The following TPRG1 variants were observed in gnomAD, a reference collection of about 807,000 sequenced individuals.
The protein encoded by TPRG1 is tumor protein p63-regulated gene 1 protein.
In TPRG1, 29 loss-of-function variants were observed where a neutral mutation model predicts 29.3. That is an observed-to-expected ratio of 0.99 (90% CI 0.74 to 1.35). TPRG1 has a LOEUF of 1.35. Among genes scored for constraint, TPRG1 ranks in the 40% most tolerant of loss-of-function variants. TPRG1 has a pLI of 0.00. For synonymous variants in TPRG1, 130 were observed against 116.8 expected (o/e 1.11, Z -0.73); for missense variants, 327 against 335.0 (o/e 0.98, Z 0.19).
intron 4 of TPRG1, among the ~76,000 whole-genome samples, chr3:189,067,522 TG>T (rs1213980659): frequency 6.6e-6 from 1 of 152,148 alleles, no homozygotes; most frequent in East Asian, 1.9e-4. Context: ...TTCACACATC[TG>T]CAGTGAACTC....
At chr3:189,233,910 C>T (rs1392524041) in intron 3 of TPRG1, among the ~76,000 whole-genome samples, 1 of 152,064 alleles carries the variant, frequency 6.6e-6, no homozygotes, top group Non-Finnish European at 1.5e-5. Context: ...TCATTTTGTA[C>T]CCCAGGCTGG....
intron 4 of TPRG1, among the ~76,000 whole-genome samples, chr3:189,075,380 C>T (rs904212017): frequency 6.6e-6 from 1 of 152,146 alleles, no homozygotes; most frequent in Non-Finnish European, 1.5e-5. Flanking sequence ...GGTGATCCAC[C>T]CACCTCGGCC....
rs1018366522 is a variant in TPRG1 at position 189,094,842 on chromosome 3, C to T, written c.-462-32215C>T. Among the ~76,000 whole-genome samples the T allele has an allele frequency of 2.0e-5, 3 of 152,226 alleles. No homozygotes were observed. In the South Asian group the frequency reaches 6.2e-4, roughly 32 times the overall value. On this transcript the variant is annotated intron_variant, in intron 4 of 10. Coordinates refer to the TPRG1 transcript ENST00000433971. ...TCCCCTTCTTTAGGGTGACAATCCTCTTGCTGTCATCCATCACTGAAGCCT... is the reference window on the plus strand; with the variant it reads ...TCCCCTTCTTTAGGGTGACAATCCTTTTGCTGTCATCCATCACTGAAGCCT...
chr3:189,317,250 G>A (rs1425972509), intron 5 of TPRG1, among the ~76,000 whole-genome samples: 2 of 152,142 alleles, frequency 1.3e-5, no homozygotes, highest in Non-Finnish European at 2.9e-5. Context: ...GAATTGTTGA[G>A]ATGAATTATA....
chr3:189,310,213 T>C, intron 4 of TPRG1, 173 bp from the exon 5 acceptor site: 1 of 462,236 alleles, frequency 2.2e-6, no homozygotes, highest in Non-Finnish European at 3.7e-6. Flanking sequence ...TCCAAACACC[T>C]TGAATTTCCT....
chr3:189,309,188 A>T (rs1722095646), intron 4 of TPRG1, among the ~76,000 whole-genome samples: 2 of 151,452 alleles, frequency 1.3e-5, no homozygotes, highest in Non-Finnish European at 2.9e-5. Flanking sequence ...TGTTTCAGGG[A>T]CTTTTTTTAC....
At chr3:189,057,840 ATGTG>A (rs199604569) in intron 4 of TPRG1, among the ~76,000 whole-genome samples, 2 of 111,370 alleles carry the variant, frequency 1.8e-5, no homozygotes, top group Non-Finnish European at 1.6e-5. Flanking sequence ...ACACATATGT[ATGTG>A]TGTATATATA....
At chr3:189,110,498 A>G (rs761950266) in intron 1 of TPRG1, among the ~76,000 whole-genome samples, 1 of 152,064 alleles carries the variant, frequency 6.6e-6, no homozygotes, top group Non-Finnish European at 1.5e-5. Flanking sequence ...GCTTTGTATT[A>G]TCTTCCTACT....
chr3:189,063,300 A>G (rs555233172), intron 4 of TPRG1, among the ~76,000 whole-genome samples: 2 of 152,136 alleles, frequency 1.3e-5, no homozygotes, highest in African/African-American at 2.4e-5. Flanking sequence ...GTAAATCTAC[A>G]GTTATAATTC....
intron 4 of TPRG1, among the ~76,000 whole-genome samples, chr3:189,039,478 A>G (rs1428081159): frequency 6.6e-6 from 1 of 152,184 alleles, no homozygotes; most frequent in Non-Finnish European, 1.5e-5. Flanking sequence ...GCAACGTTTA[A>G]CTGAAAGGGG....
At chr3:189,106,943 G>C (rs534033719) in intron 1 of TPRG1, among the ~76,000 whole-genome samples, 1 of 152,018 alleles carries the variant, frequency 6.6e-6, no homozygotes, top group East Asian at 1.9e-4. Context: ...CTCTCCTTTA[G>C]TAATTTAAAA....
intron 4 of TPRG1, among the ~76,000 whole-genome samples, chr3:189,278,578 A>G (rs545493095): frequency 1.0e-3 from 157 of 152,342 alleles, no homozygotes; most frequent in Middle Eastern, 3.4e-3. Context: ...CATGGAGGAA[A>G]AAAGGTACTT....
chr3:189,229,889 G>A (rs751496088), intron 3 of TPRG1, among the ~76,000 whole-genome samples: 2 of 152,198 alleles, frequency 1.3e-5, no homozygotes, highest in African/African-American at 4.8e-5. Flanking sequence ...ACTACAGTAG[G>A]CAGATCTCTC....
chr3:189,141,121 C>T (rs1235293900), intron 3 of TPRG1, among the ~76,000 whole-genome samples: 1 of 152,194 alleles, frequency 6.6e-6, no homozygotes, highest in Non-Finnish European at 1.5e-5. Context: ...AAAAGAGCTG[C>T]ATGCCTACAG....
rs1031238860 is a variant in TPRG1 at position 189,079,740 on chromosome 3, C to G, written c.-462-47317C>G. 3.7e-4 allele frequency among the ~76,000 whole-genome samples: 56 copies of G among 152,180 alleles called. 1 individual carries two copies. The highest frequency in any genetic ancestry group is 5.9e-5 in the Non-Finnish European group (4 of 68,032). ...CAATTACTACAGTGAAAAACTAAAT[C>G]ATTCAATCTTTATTGGCTTTCTGGA... On this transcript the variant is annotated intron_variant, in intron 4 of 10. Transcript: ENST00000433971.
chr3:189,270,343 C>G (rs897331429), intron 4 of TPRG1, among the ~76,000 whole-genome samples: 2 of 152,158 alleles, frequency 1.3e-5, no homozygotes, highest in Non-Finnish European at 1.5e-5. Flanking sequence ...GAGGAAAAGG[C>G]TTTCAAATTG....
At chr3:189,112,365 A>T (rs1378868328) in intron 1 of TPRG1, among the ~76,000 whole-genome samples, 1 of 152,084 alleles carries the variant, frequency 6.6e-6, no homozygotes, top group African/African-American at 2.4e-5. Context: ...GCTGTGCAGA[A>T]TCTCTTTAGT....
intron 4 of TPRG1, among the ~76,000 whole-genome samples, chr3:189,061,505 A>G (rs554652882): frequency 2.0e-5 from 3 of 152,372 alleles, no homozygotes; most frequent in African/African-American, 4.8e-5. Context: ...TAAACAGACA[A>G]TGTACAGAAT....
intron 4 of TPRG1, among the ~76,000 whole-genome samples, chr3:189,309,590 C>A (rs1722158862): frequency 1.3e-5 from 2 of 152,070 alleles, no homozygotes; most frequent in South Asian, 4.2e-4. Context: ...TGGACACATG[C>A]AAAAGAGGCC....
Sources: allele counts gnomAD v4.1 joint callset (sites outside exome capture counted in the v4.1 genomes callset), GRCh38; gene constraint gnomAD v4.1.1; transcripts MANE v1.5; gene names NCBI Gene and HGNC (gene_info 2026-07-23, HGNC 2026-07-21).